The following AGBL4 variants were observed in gnomAD, a reference collection of about 807,000 sequenced individuals.
The protein encoded by AGBL4 is cytosolic carboxypeptidase 6.
In AGBL4, 58 loss-of-function variants were observed where a neutral mutation model predicts 66.4. The ratio of observed to expected loss-of-function variants is 0.87; its 90% CI spans 0.71 to 1.09. The LOEUF is 1.09. Among genes scored for constraint, AGBL4 ranks in the 50% least tolerant of loss-of-function variants. The probability of loss-of-function intolerance (pLI) is 0.00; values close to 1 mark genes in which losing one functional copy is unlikely to be tolerated. For synonymous variants in AGBL4, 234 were observed against 222.9 expected, an observed-to-expected ratio of 1.05 and a Z score of -0.44; for missense variants, 579 against 631.0, an observed-to-expected ratio of 0.92 and a Z score of 0.88.
chr1:50,001,183 T>A (rs1660725843), intron 1 of AGBL4, among the ~76,000 whole-genome samples: 1 of 150,934 alleles, frequency 6.6e-6, no homozygotes, highest in African/African-American at 2.4e-5. Flanking sequence ...GCACACTAAG[T>A]GTAAAATATT....
chr1:49,890,202 C>T lies in AGBL4; in HGVS notation c.35-38684G>A, dbSNP rs534189036. The stretch of plus-strand genomic sequence containing the variant: ...TGATAAGAAAAAATTGAGGCTTAAA[C>T]GGTTAACTTTCCCAATATCACACAG... On this transcript the variant is annotated intron_variant, in intron 1 of 13. Transcript: ENST00000371839. Among the ~76,000 whole-genome samples the T allele has an allele frequency of 1.1e-4, 16 of 152,218 alleles. No homozygotes were observed. The East Asian group carries it at 1.7e-3, about 17-fold the overall frequency.
intron 3 of AGBL4, among the ~76,000 whole-genome samples, chr1:49,419,329 A>G (rs537076929): frequency 6.6e-6 from 1 of 152,312 alleles, no homozygotes; most frequent in African/African-American, 2.4e-5. Flanking sequence ...ATAATATTAC[A>G]GTAGCTGAAA....
chr1:49,529,036 T>A (rs1650891581), intron 3 of AGBL4, among the ~76,000 whole-genome samples: 1 of 151,990 alleles, frequency 6.6e-6, no homozygotes, highest in Non-Finnish European at 1.5e-5. Context: ...AGTTATAAGA[T>A]CAGATTATTA....
At chr1:50,001,698 C>T (rs1166726053) in intron 1 of AGBL4, among the ~76,000 whole-genome samples, 1 of 152,118 alleles carries the variant, frequency 6.6e-6, no homozygotes, top group Admixed American at 6.6e-5. Flanking sequence ...AAGGTGGCAC[C>T]AGCTGCTCAG....
intron 1 of AGBL4, among the ~76,000 whole-genome samples, chr1:49,937,327 C>A (rs571545944): frequency 2.9e-4 from 44 of 152,128 alleles, no homozygotes; most frequent in African/African-American, 1.0e-3. Flanking sequence ...CAGGAGCACC[C>A]AGATTCATAA....
At chr1:49,555,423 A>G (rs1193367527) in intron 3 of AGBL4, among the ~76,000 whole-genome samples, 1 of 149,480 alleles carries the variant, frequency 6.7e-6, no homozygotes, top group Non-Finnish European at 1.5e-5. Context: ...GATTAGCTAG[A>G]CACAGAGCAC....
chr1:49,352,482 G>A (rs1643931003), intron 3 of AGBL4, among the ~76,000 whole-genome samples: 1 of 151,260 alleles, frequency 6.6e-6, no homozygotes, highest in Non-Finnish European at 1.5e-5. Flanking sequence ...ATCTGCACTG[G>A]GGTCCTGGGG....
chr1:48,683,444 G>T (rs1160091770), intron 6 of AGBL4, among the ~76,000 whole-genome samples: 3 of 152,186 alleles, frequency 2.0e-5, no homozygotes, highest in African/African-American at 7.2e-5. Flanking sequence ...CTCCACATGT[G>T]CAGTCCACAC....
At chr1:49,622,646 A>AG (rs1558109820) in intron 3 of AGBL4, among the ~76,000 whole-genome samples, 1 of 150,680 alleles carries the variant, frequency 6.6e-6, no homozygotes, top group Admixed American at 6.6e-5. Flanking sequence ...AAAAAAAAAA[A>AG]AAAAAAAAGA....
At chr1:49,522,565 C>T (rs1650349949) in intron 3 of AGBL4, among the ~76,000 whole-genome samples, 1 of 152,146 alleles carries the variant, frequency 6.6e-6, no homozygotes, top group African/African-American at 2.4e-5. Flanking sequence ...AGTCCAGTAG[C>T]TGCCTTATGA....
At chr1:48,547,696 C>T (rs1470573860) in intron 11 of AGBL4, among the ~76,000 whole-genome samples, 1 of 152,172 alleles carries the variant, frequency 6.6e-6, no homozygotes, top group Non-Finnish European at 1.5e-5. Flanking sequence ...CCATTCTGCT[C>T]AGGTCTCCAC....
rs909148046 is a variant in AGBL4 at position 48,603,719 on chromosome 1, A to C, written c.952-12734T>G. Among the ~76,000 whole-genome samples the C allele has an allele frequency of 2.0e-5, 3 of 152,306 alleles. No homozygotes were observed. The East Asian group carries it at 5.8e-4, about 30-fold the overall frequency. On this transcript the variant is annotated intron_variant, in intron 9 of 13. Transcript: ENST00000371839. ...GAGGCTGTGACGAGAATTAGTGGTCATAAGACTCAAAGGCAGGTAGACTAG... is the reference window on the plus strand; with the variant it reads ...GAGGCTGTGACGAGAATTAGTGGTCCTAAGACTCAAAGGCAGGTAGACTAG...
chr1:48,726,074 G>A (rs945252335), intron 6 of AGBL4, among the ~76,000 whole-genome samples: 2 of 152,186 alleles, frequency 1.3e-5, no homozygotes, highest in Admixed American at 6.5e-5. Flanking sequence ...TGACCTGCTT[G>A]GAAGTGGCGA....
intron 4 of AGBL4, among the ~76,000 whole-genome samples, chr1:49,174,272 T>C (rs931229574): frequency 1.3e-5 from 2 of 152,022 alleles, no homozygotes; most frequent in African/African-American, 4.8e-5. Context: ...AAAATCTCTA[T>C]ATAGGTGAGT....
intron 1 of AGBL4, among the ~76,000 whole-genome samples, chr1:50,010,420 T>C (rs141221808): frequency 8.6e-4 from 131 of 151,614 alleles, no homozygotes; most frequent in African/African-American, 3.1e-3. Context: ...ATCAATGAGA[T>C]TCTTCACAGA....
intron 1 of AGBL4, among the ~76,000 whole-genome samples, chr1:49,871,741 T>C (rs1189608288): frequency 6.6e-6 from 1 of 152,176 alleles, no homozygotes; most frequent in Non-Finnish European, 1.5e-5. Flanking sequence ...GTGATTCTGT[T>C]ATGTCCTAAC....
At chr1:49,126,874 T>C (rs1171429588) in intron 4 of AGBL4, among the ~76,000 whole-genome samples, 1 of 152,108 alleles carries the variant, frequency 6.6e-6, no homozygotes, top group South Asian at 2.1e-4. Flanking sequence ...GCTTAGCAGG[T>C]TGGAAGTGAT....
intron 1 of AGBL4, among the ~76,000 whole-genome samples, chr1:49,975,569 C>T (rs950352287): frequency 3.3e-5 from 5 of 152,312 alleles, no homozygotes; most frequent in Admixed American, 6.5e-5. Flanking sequence ...GAGCTAAGAT[C>T]CAGACTCTTG....
At chr1:48,560,480 A>G (rs944391995) in intron 11 of AGBL4, among the ~76,000 whole-genome samples, 23 of 152,328 alleles carry the variant, frequency 1.5e-4, no homozygotes, top group African/African-American at 5.3e-4. Flanking sequence ...TTGGACACAA[A>G]TGCCCCTGGG....
Sources: allele counts gnomAD v4.1 joint callset (sites outside exome capture counted in the v4.1 genomes callset), GRCh38; gene constraint gnomAD v4.1.1; transcripts MANE v1.5; gene names NCBI Gene and HGNC (gene_info 2026-07-23, HGNC 2026-07-21).